RGS12: variants seen among roughly 807,000 people sequenced by gnomAD.
The protein encoded by RGS12 is regulator of G-protein signaling 12.
A neutral mutation model predicts 120.1 loss-of-function variants in RGS12; 66 were observed. That is an observed-to-expected ratio of 0.55 (90% CI 0.45 to 0.67). RGS12 has a LOEUF of 0.67. RGS12 is among the 30% of genes least tolerant of loss of function. RGS12 has a pLI of 0.00. For missense variants in RGS12, 1,859 were observed against 1,957.7 expected (o/e 0.95, Z 0.95); for synonymous variants, 827 against 804.7 (o/e 1.03, Z -0.47).
chr4:3,407,615 CAG>C (rs1553822800), intron 4 of RGS12: 2 of 152,280 alleles, frequency 1.3e-5, no homozygotes, highest in Non-Finnish European at 2.9e-5. Context: ...GTCGCGTTGT[CAG>C]GGGCACACTG....
intron 4 of RGS12, among the ~76,000 whole-genome samples, chr4:3,388,483 G>C (rs1719100910): frequency 6.6e-6 from 1 of 152,242 alleles, no homozygotes; most frequent in African/African-American, 2.4e-5. Flanking sequence ...AGAGTGGGGA[G>C]ATCCAGCAGC....
intron 1 of RGS12, among the ~76,000 whole-genome samples, chr4:3,296,242 G>GCACAAT (rs1723375701): frequency 6.6e-6 from 1 of 152,118 alleles, no homozygotes; most frequent in South Asian, 2.1e-4. Flanking sequence ...GAGTGCGGTG[G>GCACAAT]CACAATCATA....
intron 1 of RGS12, among the ~76,000 whole-genome samples, chr4:3,304,089 G>T (rs1189710543): frequency 6.6e-6 from 1 of 152,178 alleles, no homozygotes; most frequent in Non-Finnish European, 1.5e-5. Flanking sequence ...CCATGAGGCC[G>T]GAATTGAGGC....
At chr4:3,333,048 ACT>A (rs1021199148) in intron 2 of RGS12, among the ~76,000 whole-genome samples, 1 of 117,036 alleles carries the variant, frequency 8.5e-6, no homozygotes, top group African/African-American at 3.5e-5. Context: ...CTGGTCTCAA[ACT>A]CTTTTTTTTT....
intron 4 of RGS12, among the ~76,000 whole-genome samples, chr4:3,403,735 C>A (rs530433362): frequency 6.6e-6 from 1 of 152,346 alleles, no homozygotes; most frequent in South Asian, 2.1e-4. Flanking sequence ...CCTGTTCTTG[C>A]CCGACATGTC....
intron 2 of RGS12, among the ~76,000 whole-genome samples, chr4:3,332,038 C>T (rs1311189437): frequency 1.3e-5 from 2 of 152,196 alleles, no homozygotes; most frequent in Non-Finnish European, 2.9e-5. Context: ...ACAGAAGCCC[C>T]CACCGTCCTG....
At chr4:3,383,701 C>G (rs936418463) in intron 3 of RGS12, among the ~76,000 whole-genome samples, 2 of 152,170 alleles carry the variant, frequency 1.3e-5, no homozygotes, top group Non-Finnish European at 2.9e-5. Context: ...TAAAACAGCT[C>G]TACACTTTAC....
chr4:3,287,642 G>A, the RGS12 span, among the ~76,000 whole-genome samples: 8 of 152,380 alleles, frequency 5.3e-5, no homozygotes, highest in Non-Finnish European at 8.8e-5. Flanking sequence ...TGGTGACAAC[G>A]TCCCTAATTG....
At chr4:3,361,572 C>T (rs1044631495) in intron 3 of RGS12, among the ~76,000 whole-genome samples, 5 of 152,092 alleles carry the variant, frequency 3.3e-5, no homozygotes, top group African/African-American at 4.8e-5. Context: ...GCCTGTGAGC[C>T]GGGTGGGATG....
chr4:3,341,032 C>T (rs1485524269), intron 2 of RGS12, among the ~76,000 whole-genome samples: 1 of 151,534 alleles, frequency 6.6e-6, no homozygotes, highest in Non-Finnish European at 1.5e-5. Context: ...AGAGCCTTCT[C>T]TCGGCCTGGT....
rs141275099 is a variant in RGS12, at chr4:3,317,171, G to C, written c.1001G>C (p.Arg334Pro). 1.2e-6 allele frequency: 2 copies of C among 1,613,992 alleles called. No individual in the cohort carries two copies. The highest frequency in any genetic ancestry group is 1.7e-6 in the Non-Finnish European group (2 of 1,180,044). Residue 334 changes from arginine to proline, a missense_variant, in exon 2 of 18, where the codon CGG becomes CCG. Physicochemically the swap from Arg to Pro is moderately radical, Grantham distance 103. Transcript: ENST00000336727. ...SLAQEEEGALRTSCHVFMVDP... is the reference protein window; with the variant it reads ...SLAQEEEGALPTSCHVFMVDP... ...GCCCAGGAGGAGGAGGGCGCCCTGC[G>C]GACTTCCTGCCACGTGTTCATGGTG...
chr4:3,396,232 A>G (rs887489179), intron 4 of RGS12, among the ~76,000 whole-genome samples: 2 of 152,176 alleles, frequency 1.3e-5, no homozygotes, highest in Non-Finnish European at 2.9e-5. Context: ...AGATTTATGT[A>G]TGTAGTTAAG....
chr4:3,419,519 A>C (rs1300821701), intron 9 of RGS12: 1 of 151,908 alleles, frequency 6.6e-6, no homozygotes, highest in African/African-American at 2.4e-5. Context: ...AATGAAAGCA[A>C]ACCTTGATAG....
Position 3,439,721 on chromosome 4 carries a change from C to T in RGS12, c.*37C>T, listed in dbSNP as rs1050334588. ...CTGGCCAACTCTCCTGTGGACATGT[C>T]GGGGTGGGGCAGCCCAGGTGGATTC... On this transcript the variant is annotated 3_prime_UTR_variant, in exon 18 of 18. Coordinates refer to ENST00000336727, the MANE Select transcript of RGS12 (RefSeq NM_001394154.1). 25 of 1,450,434 alleles carry T rather than the reference C, an allele frequency of 1.7e-5. No homozygotes were observed. The highest frequency in any genetic ancestry group is 1.3e-4 in the East Asian group (5 of 39,196). 89.8% of individuals were successfully genotyped at this position (1,450,434 alleles called of 1,614,324 possible). A position where few individuals can be genotyped will look rare whatever the true frequency, so the allele number is the denominator to read the frequency against.
At chr4:3,392,682 T>A (rs28488872) in intron 4 of RGS12, among the ~76,000 whole-genome samples, 1,895 of 152,310 alleles carry the variant, frequency 0.012, 42 homozygotes, top group African/African-American at 0.044. Flanking sequence ...CTCTTCACGC[T>A]TTGCTTTAAA....
chr4:3,402,801 T>C (rs1346530527), intron 4 of RGS12, among the ~76,000 whole-genome samples: 1 of 152,204 alleles, frequency 6.6e-6, no homozygotes, highest in African/African-American at 2.4e-5. Flanking sequence ...AGTAAGTCAG[T>C]TTCACAAAGG....
chr4:3,361,277 G>T (rs1479765823), intron 3 of RGS12, among the ~76,000 whole-genome samples: 2 of 152,124 alleles, frequency 1.3e-5, no homozygotes, highest in African/African-American at 4.8e-5. Context: ...CTGGAACATG[G>T]TTCTGCTTTT....
At chr4:3,318,535 G>T (rs916938656) in intron 2 of RGS12, among the ~76,000 whole-genome samples, 1 of 152,236 alleles carries the variant, frequency 6.6e-6, no homozygotes, top group African/African-American at 2.4e-5. Context: ...GGAATATCCT[G>T]TTGTGTAAAA....
At chr4:3,348,412 C>T (rs963094931) in intron 3 of RGS12, among the ~76,000 whole-genome samples, 1 of 152,150 alleles carries the variant, frequency 6.6e-6, no homozygotes, top group Non-Finnish European at 1.5e-5. Flanking sequence ...AGAAAAACCT[C>T]CTGTGGTGTG....
Sources: gnomAD v4.1 joint callset for allele counts (sites outside exome capture counted in the v4.1 genomes callset) on GRCh38, gnomAD v4.1.1 for gene constraint, MANE v1.5 for transcripts, NCBI Gene and HGNC (gene_info 2026-07-23, HGNC 2026-07-21) for gene names.